The following DOCK1 variants were observed in gnomAD, a reference collection of about 807,000 sequenced individuals.
DOCK1 encodes dedicator of cytokinesis 1, also known as dedicator of cytokinesis protein 1.
A neutral mutation model predicts 262.7 loss-of-function variants in DOCK1; 138 were observed. That is an observed-to-expected ratio of 0.53 (90% confidence interval 0.46 to 0.61). The LOEUF (loss-of-function observed/expected upper bound fraction) is 0.61, where lower values mean the gene tolerates loss of function less well. Ranked by LOEUF, DOCK1 falls within the 20% of genes least tolerant of loss-of-function variation. DOCK1 has a pLI of 0.00. For synonymous variants in DOCK1, 866 were observed against 867.4 expected, an observed-to-expected ratio of 1.00 and a Z score of 0.03; for missense variants, 1,908 against 2,370.7, an observed-to-expected ratio of 0.80 and a Z score of 4.05.
At chr10:127,107,544 G>A (rs947092736) in intron 24 of DOCK1, among the ~76,000 whole-genome samples, 6 of 152,146 alleles carry the variant, frequency 3.9e-5, no homozygotes, top group East Asian at 1.9e-4. Context: ...GCTCACGGGC[G>A]GTGTCTGCCC....
chr10:127,406,703 C>A (rs1565066588), intron 40 of DOCK1, among the ~76,000 whole-genome samples: 1 of 152,164 alleles, frequency 6.6e-6, no homozygotes, highest in African/African-American at 2.4e-5. Flanking sequence ...GAATAAATAT[C>A]TTTGACTATA....
chr10:127,193,571 G>A (rs1045134543), intron 27 of DOCK1, among the ~76,000 whole-genome samples: 13 of 152,106 alleles, frequency 8.5e-5, no homozygotes, highest in African/African-American at 2.4e-4. Context: ...ATGGCTGGGC[G>A]CAAACAAGAG....
In DOCK1 at chr10:126,954,628, T is replaced by C. The variant is rs1385119456; in HGVS notation, c.47-16074T>C. Among the ~76,000 whole-genome samples the C allele has an allele frequency of 3.9e-5, 6 of 152,196 alleles. No individual in the cohort carries two copies. The East Asian group carries it at 9.6e-4, about 24-fold the overall frequency. ...CAGCCCCTGGCAGCCGCCGTGCTAT[T>C]TTCTGTCTCTATGCAAGTGACTACT... On this transcript the variant is annotated intron_variant, in intron 1 of 51. Coordinates refer to ENST00000623213, the MANE Select transcript of DOCK1 (RefSeq NM_001290223.2).
At chr10:127,001,260 A>T (rs2135161132) in intron 10 of DOCK1, 1 of 152,302 alleles carries the variant, frequency 6.6e-6, no homozygotes, top group East Asian at 1.9e-4. Context: ...TCCCTTGGCT[A>T]CCAGGAAACT....
At position 127,002,449 on chromosome 10, in the gene DOCK1, A is replaced by C. The variant is rs116065185; in HGVS notation, c.985+2142A>C. Among the ~76,000 whole-genome samples, 644 of 152,326 alleles carry C rather than the reference A, an allele frequency of 4.2e-3. 6 individuals carry two copies. Among genetic ancestry groups the C allele is most frequent in the African/African-American group, 0.014 (597 of 41,558 alleles). ...ATATTTTTCAGTTTTCATTGGGTTG[A>C]TATTCCAGGAAAGTCTAGGTACTAA... On this transcript the variant is annotated intron_variant, in intron 10 of 51. Transcript: ENST00000623213.
intron 29 of DOCK1, among the ~76,000 whole-genome samples, chr10:127,320,224 G>A (rs117019770): frequency 8.2e-4 from 125 of 152,058 alleles, no homozygotes; most frequent in Non-Finnish European, 1.4e-3. Context: ...GAGCATGGAA[G>A]AAATAAAGGG....
intron 29 of DOCK1, among the ~76,000 whole-genome samples, chr10:127,301,449 G>A (rs74158654): frequency 6.7e-4 from 102 of 152,284 alleles, no homozygotes; most frequent in African/African-American, 2.4e-3. Flanking sequence ...TGTGCTAACC[G>A]CTTCTTTTGG....
chr10:127,003,796 A>C (rs1027005797), intron 10 of DOCK1, among the ~76,000 whole-genome samples: 3 of 152,158 alleles, frequency 2.0e-5, no homozygotes, highest in Non-Finnish European at 4.4e-5. Flanking sequence ...TCTACGAAAA[A>C]TAAAAAAATT....
At chr10:127,044,310 G>T (rs1430223945) in intron 21 of DOCK1, among the ~76,000 whole-genome samples, 1 of 152,128 alleles carries the variant, frequency 6.6e-6, no homozygotes, top group Non-Finnish European at 1.5e-5. Context: ...TATCTGCCTC[G>T]TGTGCGTGTT....
intron 48 of DOCK1, among the ~76,000 whole-genome samples, chr10:127,435,995 T>A (rs1033790625): frequency 6.6e-6 from 1 of 152,236 alleles, no homozygotes; most frequent in Admixed American, 6.5e-5. Flanking sequence ...AAACAGCATC[T>A]ACTAATCCTT....
chr10:126,973,658 A>G (rs2134713302), intron 2 of DOCK1, among the ~76,000 whole-genome samples: 1 of 152,334 alleles, frequency 6.6e-6, no homozygotes, highest in African/African-American at 2.4e-5. Context: ...GAATCTAATC[A>G]GAGAAATGCA....
Position 127,425,989 on chromosome 10 carries a change from A to G in DOCK1, c.4892A>G (p.Lys1631Arg), listed in dbSNP as rs1486966000. 10 of 1,613,872 alleles carry G rather than the reference A, an allele frequency of 6.2e-6. No homozygotes were observed. Among genetic ancestry groups the G allele is most frequent in the Non-Finnish European group, 8.5e-6 (10 of 1,179,910 alleles). ...CFKQLKEKVEKEYGVRIMPSS... is the reference protein window; with the variant it reads ...CFKQLKEKVEREYGVRIMPSS... ...AAACAGCTGAAGGAAAAGGTGGAGA[A>G]AGAGTACGGCGTCCGAATCATGGTA... The change falls in exon 47 of 52, where the codon AAA (lysine) becomes AGA (arginine). Residue 1631 changes from lysine to arginine, a missense_variant. By Grantham distance (26) the Lys-to-Arg change is conservative. This residue lies in a region of DOCK1 where 383 missense variants were observed against 420.1 expected (regional missense o/e 0.91). Transcript: ENST00000623213.
intron 2 of DOCK1, among the ~76,000 whole-genome samples, chr10:126,972,799 C>T (rs955579824): frequency 1.3e-5 from 2 of 151,670 alleles, no homozygotes; most frequent in Non-Finnish European, 2.9e-5. Flanking sequence ...TAAAAAAGTC[C>T]TGTCTGAAAA....
chr10:127,272,003 C>T (rs2498945), intron 29 of DOCK1: 148,320 of 152,298 alleles, frequency 0.97, 72,362 homozygotes, highest in Middle Eastern at 1. Flanking sequence ...TGTGTTTGTA[C>T]GTTTCAGCCA....
intron 23 of DOCK1, among the ~76,000 whole-genome samples, chr10:127,071,856 C>A (rs1371017278): frequency 6.6e-6 from 1 of 152,158 alleles, no homozygotes; most frequent in African/African-American, 2.4e-5. Flanking sequence ...TTGATTCCTT[C>A]ACATTGCCAC....
intron 35 of DOCK1, among the ~76,000 whole-genome samples, chr10:127,378,358 C>T (rs2065635362): frequency 6.6e-6 from 1 of 152,168 alleles, no homozygotes; most frequent in Non-Finnish European, 1.5e-5. Flanking sequence ...AATGGGGTTC[C>T]TCTGGGAGCT....
At chr10:127,281,509 A>C (rs1053440962) in intron 29 of DOCK1, among the ~76,000 whole-genome samples, 1 of 152,186 alleles carries the variant, frequency 6.6e-6, no homozygotes, top group African/African-American at 2.4e-5. Context: ...GAAGTCTTTC[A>C]TTGTTTTCAA....
intron 35 of DOCK1, among the ~76,000 whole-genome samples, chr10:127,379,048 G>A (rs967465897): frequency 6.6e-6 from 1 of 152,200 alleles, no homozygotes; most frequent in Non-Finnish European, 1.5e-5. Context: ...CTCTGTAATG[G>A]TGATATTCAC....
At chr10:127,351,573 C>T (rs2063882937) in intron 31 of DOCK1, among the ~76,000 whole-genome samples, 1 of 152,096 alleles carries the variant, frequency 6.6e-6, no homozygotes, top group Non-Finnish European at 1.5e-5. Context: ...CATTTTGCTT[C>T]TCTCCTGTAT....
Sources: allele counts gnomAD v4.1 joint callset (sites outside exome capture counted in the v4.1 genomes callset), GRCh38; gene constraint gnomAD v4.1.1; regional missense constraint gnomAD v4.1.1; transcripts MANE v1.5; gene names NCBI Gene and HGNC (gene_info 2026-07-23, HGNC 2026-07-21).